Variants in PEDS1 observed in about 807,000 individuals in gnomAD.
PEDS1 encodes the protein plasmanylethanolamine desaturase 1, also known as CarF homolog.
In PEDS1, 14 loss-of-function variants were observed where a neutral mutation model predicts 35.2. That is an observed-to-expected ratio of 0.40 (90% CI 0.26 to 0.62). The LOEUF (loss-of-function observed/expected upper bound fraction) is 0.62. Among genes scored for constraint, PEDS1 ranks in the 20% least tolerant of loss-of-function variants. PEDS1 has a pLI of 0.44. For missense variants in PEDS1, 260 were observed against 367.8 expected (o/e 0.71, Z 2.40); for synonymous variants, 152 against 152.0 (o/e 1.00, Z 0.00).
intron 2 of PEDS1, among the ~76,000 whole-genome samples, chr20:50,139,049 T>C (rs577492011): frequency 1.2e-4 from 19 of 152,194 alleles, no homozygotes; most frequent in African/African-American, 4.6e-4. Flanking sequence ...GGCAAATCCA[T>C]GGGTTTCGGT....
At chr20:50,142,595 C>T (rs533345729) in intron 2 of PEDS1, among the ~76,000 whole-genome samples, 65 of 151,142 alleles carry the variant, frequency 4.3e-4, no homozygotes, top group Admixed American at 9.3e-4. Flanking sequence ...CCTGCCACCA[C>T]GGCCGGCTAA....
chr20:50,134,402 C>A (rs1298299169), intron 2 of PEDS1, among the ~76,000 whole-genome samples: 2 of 152,134 alleles, frequency 1.3e-5, no homozygotes, highest in Non-Finnish European at 2.9e-5. Flanking sequence ...AAAAAATTAG[C>A]CAGGGATGGT....
At chr20:50,144,031 T>A (rs1288229303) in intron 1 of PEDS1, among the ~76,000 whole-genome samples, 1 of 152,080 alleles carries the variant, frequency 6.6e-6, no homozygotes, top group Non-Finnish European at 1.5e-5. Context: ...GCATCTATAT[T>A]GCCAACCACA....
intron 2 of PEDS1, 73 bp downstream of exon 2, chr20:50,143,429 C>A (rs567194987): frequency 7.7e-6 from 12 of 1,549,074 alleles, no homozygotes; most frequent in Non-Finnish European, 1.0e-5. Flanking sequence ...TGGACACACA[C>A]ACGCGCCAGT....
At chr20:50,136,290 G>C (rs2147284449) in intron 2 of PEDS1, among the ~76,000 whole-genome samples, 1 of 152,290 alleles carries the variant, frequency 6.6e-6, no homozygotes, top group Non-Finnish European at 1.5e-5. Context: ...AAATTATACA[G>C]ATGAGAAAAC....
At chr20:50,141,984 T>C (rs1031404574) in intron 2 of PEDS1, among the ~76,000 whole-genome samples, 1 of 152,128 alleles carries the variant, frequency 6.6e-6, no homozygotes, top group East Asian at 1.9e-4. Context: ...CCCCCTTCAG[T>C]CTTGGAGCCG....
At chr20:50,141,330 A>G (rs1056953132) in intron 2 of PEDS1, among the ~76,000 whole-genome samples, 1 of 152,264 alleles carries the variant, frequency 6.6e-6, no homozygotes, top group Non-Finnish European at 1.5e-5. Flanking sequence ...AGTGCCCAGC[A>G]TGGGGCTTGG....
At position 50,133,899 on chromosome 20, in the gene PEDS1, T is replaced by C. The variant is rs545144727; in HGVS notation, c.242-2952A>G. 1.7e-4 allele frequency among the ~76,000 whole-genome samples: 26 copies of C among 152,334 alleles called. No homozygotes were observed. In the South Asian group the frequency reaches 5.4e-3, roughly 32 times the overall value. ...TGGCCTGGAAATGGCAGCTGTGGGA[T>C]GGGAAGAGGCCTGTCGACCTGCCTC... On this transcript the variant is annotated intron_variant, in intron 2 of 5. Coordinates refer to ENST00000371652, the MANE Select transcript of PEDS1 (RefSeq NM_199129.4).
At chr20:50,127,340 GTTTTTTTTT>G (rs11471254) in intron 5 of PEDS1, among the ~76,000 whole-genome samples, 2,176 of 87,356 alleles carry the variant, frequency 0.025, 59 homozygotes, top group African/African-American at 0.091. Flanking sequence ...GTGTTTTCTG[GTTTTTTTTT>G]TTTTTTTTTT....
At chr20:50,142,686 C>A (rs1360154484) in intron 2 of PEDS1, among the ~76,000 whole-genome samples, 3 of 88,654 alleles carry the variant, frequency 3.4e-5, no homozygotes, top group Non-Finnish European at 5.1e-5. Flanking sequence ...TCATCCGCCC[C>A]CCCCCCCCCG....
chr20:50,153,368 G>A (rs1052727019), intron 1 of PEDS1, 149 bp downstream of exon 1: 18 of 1,188,602 alleles, frequency 1.5e-5, no homozygotes, highest in Non-Finnish European at 1.9e-5. Context: ...AAGGGACACT[G>A]GGGTGGGGTC....
intron 2 of PEDS1, among the ~76,000 whole-genome samples, chr20:50,133,018 C>T (rs1252590769): frequency 6.6e-6 from 1 of 152,168 alleles, no homozygotes; most frequent in African/African-American, 2.4e-5. Context: ...CTCGGTTTGT[C>T]TGTGTCAACT....
chr20:50,128,327 C>A lies in PEDS1; in HGVS notation c.479-140G>T. 1 of 1,039,660 alleles carries A rather than the reference C, an allele frequency of 9.6e-7. No individual in the cohort carries two copies. The allele number at this position is 1,039,660 out of a possible 1,614,324, so 64.4% of individuals were successfully genotyped here. A position where few individuals can be genotyped will look rare whatever the true frequency, so the allele number is the denominator to read the frequency against. On this transcript the variant is annotated intron_variant, in intron 4 of 5. Transcript: ENST00000371652. The surrounding 1 kb of genome is among the most constrained non-coding windows in gnomAD (Gnocchi z 5.2). ...GATTCTCTTCCACCCCCTGCAGGGCCGCAGGCAAGCTCAGGTGCTGCCCTG... is the reference window on the plus strand; with the variant it reads ...GATTCTCTTCCACCCCCTGCAGGGCAGCAGGCAAGCTCAGGTGCTGCCCTG...
chr20:50,135,433 C>T (rs775891005), intron 2 of PEDS1, among the ~76,000 whole-genome samples: 5 of 151,864 alleles, frequency 3.3e-5, no homozygotes, highest in Non-Finnish European at 5.9e-5. Flanking sequence ...CCGAGGCAAG[C>T]GGATCGCCTG....
chr20:50,150,728 TG>T (rs2081394251), intron 1 of PEDS1, among the ~76,000 whole-genome samples: 1 of 151,996 alleles, frequency 6.6e-6, no homozygotes, highest in Non-Finnish European at 1.5e-5. Flanking sequence ...AGTCTCGCTC[TG>T]TCATCCAGGC....
At position 50,129,527 on chromosome 20, in the gene PEDS1, C is replaced by A; in HGVS notation, c.478+19G>T. ...CCCCCAAGGCCCCCTCCCAGCCCAC[C>A]ACTAGCTGGGTGTCTCACCAGGGCT... is the stretch of plus-strand genomic sequence containing the variant. On this transcript the variant is annotated intron_variant, in intron 4 of 5. Transcript: ENST00000371652. This position sits in a 1 kb window ranked among gnomAD's most constrained non-coding sequence, Gnocchi z 4.2. 2 of 1,613,936 alleles carry A rather than the reference C, an allele frequency of 1.2e-6. 1 individual carries two copies. Among genetic ancestry groups the A allele is most frequent in the South Asian group, 2.2e-5 (2 of 91,052 alleles).
intron 2 of PEDS1, among the ~76,000 whole-genome samples, chr20:50,137,785 C>T (rs1414106651): frequency 1.3e-5 from 2 of 152,178 alleles, no homozygotes. Flanking sequence ...GCAGAAGAAT[C>T]GCTTGAACCT....
chr20:50,152,431 A>T (rs965542336), intron 1 of PEDS1, among the ~76,000 whole-genome samples: 2 of 152,226 alleles, frequency 1.3e-5, no homozygotes, highest in Admixed American at 6.5e-5. Flanking sequence ...ACACCCAGGT[A>T]GAGGTGCCTC....
chr20:50,140,270 T>C (rs1190626705), intron 2 of PEDS1, among the ~76,000 whole-genome samples: 1 of 152,214 alleles, frequency 6.6e-6, no homozygotes, highest in Admixed American at 6.5e-5. Flanking sequence ...GGCTGCCATC[T>C]TCACGTGGCT....
Sources: gnomAD v4.1 joint callset for allele counts (sites outside exome capture counted in the v4.1 genomes callset) on GRCh38, gnomAD v4.1.1 for gene constraint, Gnocchi (gnomAD v3.1) non-coding constraint, MANE v1.5 for transcripts, NCBI Gene and HGNC (gene_info 2026-07-23, HGNC 2026-07-21) for gene names.